ADARB1: variants seen among roughly 807,000 people sequenced by gnomAD.
ADARB1 encodes the protein double-stranded RNA-specific editase 1.
Under a neutral mutation model 52.4 loss-of-function variants are expected in ADARB1, and 10 were observed. The observed-to-expected ratio is 0.19, with a 90% CI of 0.12 to 0.32. The LOEUF is 0.32. Among genes scored for constraint, ADARB1 ranks in the 10% least tolerant of loss-of-function variants. The pLI, the probability that ADARB1 is intolerant of heterozygous loss-of-function variation, is 1.00. For synonymous variants in ADARB1, 349 were observed against 371.1 expected, an observed-to-expected ratio of 0.94 and a Z score of 0.68; for missense variants, 643 against 922.3, an observed-to-expected ratio of 0.70 and a Z score of 3.92.
At chr21:45,079,976 G>C (rs1435997917) in intron 1 of ADARB1, among the ~76,000 whole-genome samples, 2 of 152,162 alleles carry the variant, frequency 1.3e-5, no homozygotes, top group East Asian at 3.8e-4. Context: ...CCATTGAAAA[G>C]GACTCTGTTT....
chr21:45,119,456 C>G (rs454052), intron 1 of ADARB1, among the ~76,000 whole-genome samples: 129,659 of 152,180 alleles, frequency 0.85, 55,587 homozygotes, highest in Non-Finnish European at 0.9. Context: ...TTCTTGCTCT[C>G]CAGTGGAAAT....
At chr21:45,105,696 A>T (rs1288151754) in intron 1 of ADARB1, among the ~76,000 whole-genome samples, 1 of 152,244 alleles carries the variant, frequency 6.6e-6, no homozygotes, top group African/African-American at 2.4e-5. Flanking sequence ...ATGCACACAC[A>T]CACATATATG....
intron 1 of ADARB1, among the ~76,000 whole-genome samples, chr21:45,108,589 T>A (rs1341069747): frequency 6.6e-6 from 1 of 152,170 alleles, no homozygotes; most frequent in Non-Finnish European, 1.5e-5. Context: ...CGCTCTACTG[T>A]GGATTATTCT....
In ADARB1 at chr21:45,172,792, C is replaced by T. The variant is rs530155666; in HGVS notation, c.28+1108C>T. Among the ~76,000 whole-genome samples, 15 of 152,290 alleles carry T rather than the reference C, an allele frequency of 9.8e-5. No homozygotes were observed. In the East Asian group the frequency reaches 2.7e-3, roughly 27 times the overall value. ...GGGACCAGCGTGCTCACCTCACTTC[C>T]GCTGTTGTGTGCGCAGCCCGTGCCT... On this transcript the variant is annotated intron_variant, in intron 3 of 10. Coordinates refer to ENST00000348831, the MANE Select transcript of ADARB1 (RefSeq NM_001112.4). This position sits in a 1 kb window ranked among gnomAD's most constrained non-coding sequence, Gnocchi z 4.4.
intron 8 of ADARB1, among the ~76,000 whole-genome samples, chr21:45,203,161 C>A (rs1020679338): frequency 6.6e-6 from 1 of 152,180 alleles, no homozygotes; most frequent in African/African-American, 2.4e-5. Flanking sequence ...ATACCGCCCC[C>A]TCCCTCATCA....
Position 45,222,224 on chromosome 21 carries a change from G to A in ADARB1, c.*27G>A. On this transcript the variant is annotated 3_prime_UTR_variant, in exon 11 of 11. Transcript: ENST00000348831. The stretch of plus-strand genomic sequence containing the variant: ...CCGGGCAGACATGATGGGGGGTGCA[G>A]GGGGCTGTGGGCATCCAGCGTCATC... 6.6e-7 allele frequency: 1 copy of A among 1,525,364 alleles called. No homozygotes were observed. The highest frequency in any genetic ancestry group is 8.8e-7 in the Non-Finnish European group (1 of 1,141,504). 94.5% of individuals were successfully genotyped at this position (1,525,364 alleles called of 1,614,324 possible).
At chr21:45,091,684 C>T (rs1363563011) in intron 1 of ADARB1, among the ~76,000 whole-genome samples, 2 of 152,224 alleles carry the variant, frequency 1.3e-5, no homozygotes, top group Non-Finnish European at 2.9e-5. Flanking sequence ...CAGCATCCTA[C>T]AGCATTGCCA....
intron 1 of ADARB1, among the ~76,000 whole-genome samples, chr21:45,083,507 C>T (rs1306125292): frequency 1.3e-5 from 2 of 152,186 alleles, no homozygotes; most frequent in Admixed American, 6.5e-5. Flanking sequence ...TAGCTCTGTC[C>T]TGCCAGCATC....
At chr21:45,215,561 A>G (rs2092846711) in intron 9 of ADARB1, among the ~76,000 whole-genome samples, 1 of 152,100 alleles carries the variant, frequency 6.6e-6, no homozygotes, top group Non-Finnish European at 1.5e-5. Flanking sequence ...CTGGAGTTTG[A>G]GGCCATCCTG....
At chr21:45,207,027 A>G (rs1469494276) in intron 9 of ADARB1, among the ~76,000 whole-genome samples, 1 of 152,076 alleles carries the variant, frequency 6.6e-6, no homozygotes, top group African/African-American at 2.4e-5. Context: ...GCCTCCTTGG[A>G]AGCTTCTGTG....
chr21:45,099,705 A>G (rs1176870944), intron 1 of ADARB1, among the ~76,000 whole-genome samples: 1 of 152,226 alleles, frequency 6.6e-6, no homozygotes, highest in East Asian at 1.9e-4. Flanking sequence ...TGTAAATCCA[A>G]GCATAATTAC....
chr21:45,183,954 C>T (rs1358164259), intron 7 of ADARB1, among the ~76,000 whole-genome samples: 2 of 152,166 alleles, frequency 1.3e-5, no homozygotes, highest in Admixed American at 6.5e-5. Context: ...TCCTTCTTTA[C>T]ATTTGAGGTT....
In ADARB1 at chr21:45,138,824, C is replaced by A. The variant is rs2089539022; in HGVS notation, c.-48+10251C>A. Among the ~76,000 whole-genome samples, 4 of 152,176 alleles carry A rather than the reference C, an allele frequency of 2.6e-5. No homozygotes were observed. In the South Asian group the frequency reaches 8.3e-4, roughly 32 times the overall value. On this transcript the variant is annotated intron_variant, in intron 2 of 10. Transcript: ENST00000348831. ...CTCGTGGCCTGTGGGCCCTGGGCGG[C>A]CTCTCAGTTTCCTGCATGGAAGGCA...
intron 3 of ADARB1, 70 bp downstream of exon 3, chr21:45,171,754 T>A: frequency 7.1e-7 from 1 of 1,409,840 alleles, no homozygotes; most frequent in Non-Finnish European, 9.9e-7. Context: ...TTTTTGCAAA[T>A]GTATTTCATG....
intron 8 of ADARB1, among the ~76,000 whole-genome samples, chr21:45,185,382 T>C (rs903171105): frequency 1.2e-4 from 18 of 152,248 alleles, no homozygotes; most frequent in African/African-American, 4.3e-4. Flanking sequence ...CTGATGTTTT[T>C]AATGGGCTAC....
chr21:45,130,870 GA>G (rs1428460071), intron 2 of ADARB1, among the ~76,000 whole-genome samples: 1 of 152,128 alleles, frequency 6.6e-6, no homozygotes, highest in Non-Finnish European at 1.5e-5. Context: ...ATCTTGGGGG[GA>G]TACAATAGAT....
intron 1 of ADARB1, among the ~76,000 whole-genome samples, chr21:45,099,708 A>G (rs908324357): frequency 2.0e-5 from 3 of 152,214 alleles, no homozygotes; most frequent in African/African-American, 7.2e-5. Flanking sequence ...AAATCCAAGC[A>G]TAATTACTGA....
At position 45,168,916 on chromosome 21, in the gene ADARB1, C is replaced by A. The variant is rs114356289; in HGVS notation, c.-47-2694C>A. 9.0e-3 allele frequency among the ~76,000 whole-genome samples: 1,370 copies of A among 152,312 alleles called. 19 individuals are homozygous for A. The highest frequency in any genetic ancestry group is 0.031 in the African/African-American group (1,306 of 41,552). ...CCTGATTATATGATATTATGAGACT[C>A]TAAATCTTACTGAAGCCTTCTGTTT... is the stretch of plus-strand genomic sequence containing the variant. On this transcript the variant is annotated intron_variant, in intron 2 of 10. Coordinates refer to ENST00000348831, the MANE Select transcript of ADARB1 (RefSeq NM_001112.4).
At chr21:45,152,635 G>A in intron 2 of ADARB1, 1 of 450,756 alleles carries the variant, frequency 2.2e-6, no homozygotes, top group East Asian at 7.1e-5. Context: ...CTGGGCCTTT[G>A]CACATGGGGA....
Sources: allele counts gnomAD v4.1 joint callset (sites outside exome capture counted in the v4.1 genomes callset), GRCh38; gene constraint gnomAD v4.1.1; non-coding constraint Gnocchi (gnomAD v3.1); transcripts MANE v1.5; gene names NCBI Gene and HGNC (gene_info 2026-07-23, HGNC 2026-07-21).